The following B3GAT1 variants were observed in gnomAD, a reference collection of about 807,000 sequenced individuals.
B3GAT1 encodes galactosylgalactosylxylosylprotein 3-beta-glucuronosyltransferase 1.
In B3GAT1, 11 loss-of-function variants were observed where a neutral mutation model predicts 28.4. The observed-to-expected ratio is 0.39, with a 90% CI of 0.24 to 0.64. The LOEUF (loss-of-function observed/expected upper bound fraction) is 0.64, where lower values mean the gene tolerates loss of function less well. B3GAT1 is among the 30% of genes least tolerant of loss of function. B3GAT1 has a pLI of 0.50. For missense variants in B3GAT1, 375 were observed against 491.0 expected (o/e 0.76, Z 2.23); for synonymous variants, 255 against 223.1 (o/e 1.14, Z -1.27).
rs113115183 is a variant in B3GAT1 at position 134,411,084 on chromosome 11, G to A, written c.-282+723C>T. 5.6e-3 allele frequency among the ~76,000 whole-genome samples: 847 copies of A among 152,266 alleles called. 7 individuals are homozygous for A. The highest frequency in any genetic ancestry group is 0.019 in the African/African-American group (806 of 41,544). Reference sequence around the variant, plus strand: ...TTCTTGACCTTAGCTGCTTGGTACGGGGCTGTCACCTCCTTACCCTGGCAC... The same window carrying A: ...TTCTTGACCTTAGCTGCTTGGTACGAGGCTGTCACCTCCTTACCCTGGCAC... On this transcript the variant is annotated intron_variant, in intron 1 of 5. Coordinates refer to ENST00000312527, the MANE Select transcript of B3GAT1 (RefSeq NM_054025.3). The surrounding 1 kb of genome is among the most constrained non-coding windows in gnomAD (Gnocchi z 6.0).
Position 134,383,783 on chromosome 11 carries a change from G to T in B3GAT1, c.518C>A (p.Ala173Asp). 6.3e-7 allele frequency: 1 copy of T among 1,597,024 alleles called. No individual in the cohort carries two copies. Among genetic ancestry groups the T allele is most frequent in the African/African-American group, 1.3e-5 (1 of 74,698 alleles). ...IPRGTMQRNL[A>D]LRWLRETFPR... is the part of the protein sequence containing the mutation. The stretch of plus-strand genomic sequence containing the variant: ...GAAGGTCTCGCGCAGCCAGCGCAGG[G>T]CCAGGTTGCGCTGCATGGTGCCCCG... The change falls in exon 3 of 6, where the codon GCC (alanine) becomes GAC (aspartate). Residue 173 changes from alanine to aspartate, a missense_variant. Ala to Asp is a moderately radical substitution (Grantham distance 126). Coordinates refer to ENST00000312527, the MANE Select transcript of B3GAT1 (RefSeq NM_054025.3).
intron 1 of B3GAT1, chr11:134,392,110 G>C (rs188655145): frequency 1.3e-5 from 2 of 152,388 alleles, no homozygotes; most frequent in Admixed American, 1.3e-4. Flanking sequence ...CGAAGATGAA[G>C]GGATGTCCTA....
rs1211494365 is a variant in B3GAT1, at chr11:134,383,017, G to T, written c.622-11C>A. On this transcript the variant is annotated splice_polypyrimidine_tract_variant and intron_variant, in intron 3 of 5. Coordinates refer to ENST00000312527, the MANE Select transcript of B3GAT1 (RefSeq NM_054025.3). ...CCTGGTGCTGCGCATCTACAAGGGG[G>T]GGGTCCAGAGTCAGGGCGCCGGCAC... is the stretch of plus-strand genomic sequence containing the variant. 6.5e-7 allele frequency: 1 copy of T among 1,537,492 alleles called. No individual in the cohort carries two copies. The highest frequency in any genetic ancestry group is 8.8e-7 in the Non-Finnish European group (1 of 1,140,268).
chr11:134,402,985 G>A (rs1944651289), intron 1 of B3GAT1, among the ~76,000 whole-genome samples: 1 of 152,122 alleles, frequency 6.6e-6, no homozygotes, highest in Admixed American at 6.5e-5. Flanking sequence ...AACCAGAGTG[G>A]GCAGTGTGTG....
At chr11:134,400,094 C>A (rs564902445) in intron 1 of B3GAT1, among the ~76,000 whole-genome samples, 1 of 152,098 alleles carries the variant, frequency 6.6e-6, no homozygotes, top group Non-Finnish European at 1.5e-5. Context: ...GAGGTGCTGG[C>A]GAGGGGAGAC....
chr11:134,387,303 G>A lies in B3GAT1; in HGVS notation c.112+245C>T, dbSNP rs890926256. ...TCCTCTTGGGTGCTGAGAGTAACAA[G>A]CTCTTCTTTCAAGGCAACTGTCTTG... On this transcript the variant is annotated intron_variant, in intron 2 of 5. Coordinates refer to ENST00000312527, the MANE Select transcript of B3GAT1 (RefSeq NM_054025.3). 7.8e-6 allele frequency: 4 copies of A among 514,856 alleles called. No homozygotes were observed. The East Asian group carries it at 1.3e-4, about 17-fold the overall frequency. The allele number at this position is 514,856 out of a possible 1,614,324, so 31.9% of individuals were successfully genotyped here. A position where few individuals can be genotyped will look rare whatever the true frequency, so the allele number is the denominator to read the frequency against.
intron 4 of B3GAT1, 69 bp from the exon 5 acceptor site, chr11:134,382,093 C>G: frequency 7.8e-7 from 1 of 1,287,886 alleles, no homozygotes; most frequent in Non-Finnish European, 1.1e-6. Flanking sequence ...TCCCTGCTCC[C>G]TCCCACACTG....
At chr11:134,402,869 C>T (rs1165412421) in intron 1 of B3GAT1, among the ~76,000 whole-genome samples, 2 of 150,596 alleles carry the variant, frequency 1.3e-5, no homozygotes, top group South Asian at 2.1e-4. Flanking sequence ...GCTGAGATTG[C>T]GTCACTGCAC....
intron 1 of B3GAT1, chr11:134,389,199 A>T (rs1254478434): frequency 1.3e-5 from 2 of 152,162 alleles, no homozygotes; most frequent in Non-Finnish European, 2.9e-5. Context: ...CATTTTGGTG[A>T]CAGTCTTTTG....
In B3GAT1 at chr11:134,382,968, G is replaced by A; in HGVS notation, c.660C>T (p.Ala220=). The change falls in exon 4 of 6, where the codon GCC becomes GCT. Residue 220 remains alanine (A), a synonymous_variant. Transcript: ENST00000312527. ...STRRVSVWPV[A]FVGGLRYEAP... The stretch of plus-strand genomic sequence containing the variant: ...CCTCGTACCGCAGGCCACCCACGAA[G>A]GCGACGGGCCACACGGACACCCTCC... 2 of 1,595,922 alleles carry A rather than the reference G, an allele frequency of 1.3e-6. No individual in the cohort carries two copies. The highest frequency in any genetic ancestry group is 1.7e-6 in the Non-Finnish European group (2 of 1,170,816).
At chr11:134,381,389 C>T (rs1214297619) in intron 5 of B3GAT1, among the ~76,000 whole-genome samples, 7 of 152,218 alleles carry the variant, frequency 4.6e-5, no homozygotes, top group Non-Finnish European at 8.8e-5. Context: ...GATGAAGAAA[C>T]TGAGGCCCAG....
intron 1 of B3GAT1, among the ~76,000 whole-genome samples, chr11:134,406,631 T>G (rs1372266204): frequency 6.6e-6 from 1 of 152,192 alleles, no homozygotes; most frequent in African/African-American, 2.4e-5. Context: ...GCTTTCTATT[T>G]TCAAATAAAA....
chr11:134,384,414 T>C, intron 2 of B3GAT1: 1 of 530,682 alleles, frequency 1.9e-6, no homozygotes. Context: ...AACCTCTTCC[T>C]TCCCACCTTT....
At chr11:134,400,093 G>A (rs1422630148) in intron 1 of B3GAT1, among the ~76,000 whole-genome samples, 1 of 152,122 alleles carries the variant, frequency 6.6e-6, no homozygotes, top group African/African-American at 2.4e-5. Context: ...TGAGGTGCTG[G>A]CGAGGGGAGA....
intron 1 of B3GAT1, among the ~76,000 whole-genome samples, chr11:134,403,190 A>G (rs1221390124): frequency 6.6e-6 from 1 of 151,968 alleles, no homozygotes; most frequent in African/African-American, 2.4e-5. Flanking sequence ...AGGCCTCCAC[A>G]TACCTGGGGG....
chr11:134,383,709 T>TGTC lies in B3GAT1; in HGVS notation c.589_591dup (p.Asp197dup). ...TCGAAGAGCTCCAGGCTGTAGGTGT[T>TGTC]GTCGTCGTCGGCGAAGTAGACCACG... On this transcript the variant is annotated inframe_insertion, in exon 3 of 6. Coordinates refer to ENST00000312527, the MANE Select transcript of B3GAT1 (RefSeq NM_054025.3). The TGTC allele has an allele frequency of 1.3e-6, 2 of 1,589,026 alleles. No individual in the cohort carries two copies. Among genetic ancestry groups the TGTC allele is most frequent in the Non-Finnish European group, 1.7e-6 (2 of 1,163,640 alleles).
At chr11:134,405,259 G>A (rs990769668) in intron 1 of B3GAT1, among the ~76,000 whole-genome samples, 10 of 152,152 alleles carry the variant, frequency 6.6e-5, no homozygotes, top group South Asian at 2.1e-4. Context: ...CTTAGGCTTC[G>A]GAAGACGCCC....
At chr11:134,404,646 G>A (rs1335726780) in intron 1 of B3GAT1, among the ~76,000 whole-genome samples, 1 of 152,124 alleles carries the variant, frequency 6.6e-6, no homozygotes, top group Non-Finnish European at 1.5e-5. Context: ...TATGCCTGCG[G>A]GAGGCCCCCC....
intron 1 of B3GAT1, among the ~76,000 whole-genome samples, chr11:134,410,582 G>C (rs903357284): frequency 6.6e-6 from 1 of 152,212 alleles, no homozygotes; most frequent in Non-Finnish European, 1.5e-5. Context: ...GTTTGGTCCA[G>C]TAAGGCCATT....
Sources: gnomAD v4.1 joint callset for allele counts (sites outside exome capture counted in the v4.1 genomes callset) on GRCh38, gnomAD v4.1.1 for gene constraint, Gnocchi (gnomAD v3.1) non-coding constraint, MANE v1.5 for transcripts, NCBI Gene and HGNC (gene_info 2026-07-23, HGNC 2026-07-21) for gene names.